Variants in TRMT11 observed in about 807,000 individuals in gnomAD.
The protein encoded by TRMT11 is tRNA (guanine(10)-N(2))-methyltransferase TRMT11.
A neutral mutation model predicts 62.8 loss-of-function variants in TRMT11; 53 were observed. The observed-to-expected ratio is 0.84, with a 90% CI of 0.68 to 1.06. The LOEUF (loss-of-function observed/expected upper bound fraction) is 1.06, where lower values mean the gene tolerates loss of function less well. TRMT11 is among the 50% of genes least tolerant of loss of function. The probability of loss-of-function intolerance (pLI) is 0.00; values close to 1 mark genes in which losing one functional copy is unlikely to be tolerated. For synonymous variants in TRMT11, 188 were observed against 190.3 expected, an observed-to-expected ratio of 0.99 and a Z score of 0.10; for missense variants, 556 against 553.4, an observed-to-expected ratio of 1.00 and a Z score of -0.05.
chr6:126,147,402 C>CAATTCTGGAATT (rs1412018056), intron 21 of TRMT11, among the ~76,000 whole-genome samples: 35 of 148,688 alleles, frequency 2.4e-4, no homozygotes, highest in African/African-American at 8.3e-4. Context: ...TGAAAGTGCA[C>CAATTCTGGAATT]AATTCTGGAA....
chr6:126,051,882 G>T (rs181716725), intron 16 of TRMT11, among the ~76,000 whole-genome samples: 1 of 152,170 alleles, frequency 6.6e-6, no homozygotes, highest in Non-Finnish European at 1.5e-5. Context: ...TATGCAAGAA[G>T]CAGAAGATCC....
intron 5 of TRMT11, 29 bp from the exon 6 acceptor site, chr6:125,998,521 G>T: frequency 1.0e-5 from 16 of 1,598,948 alleles, no homozygotes; most frequent in Non-Finnish European, 1.4e-5. Flanking sequence ...ATTATTATAA[G>T]ACATCAGCAT....
At chr6:126,263,105 G>A in the TRMT11 span, among the ~76,000 whole-genome samples, 2 of 151,466 alleles carry the variant, frequency 1.3e-5, no homozygotes, top group African/African-American at 2.4e-5. Flanking sequence ...TCATTTTATT[G>A]GGGTCTCTAG....
chr6:126,209,321 A>ATT, the TRMT11 span, among the ~76,000 whole-genome samples: 2 of 152,168 alleles, frequency 1.3e-5, no homozygotes, highest in Non-Finnish European at 2.9e-5. Flanking sequence ...CTTTTATTAT[A>ATT]TTTAGAAACT....
At chr6:125,992,782 C>A (rs916455565) in intron 1 of TRMT11, among the ~76,000 whole-genome samples, 3 of 152,210 alleles carry the variant, frequency 2.0e-5, no homozygotes, top group African/African-American at 7.2e-5. Context: ...GCAAAATAAC[C>A]TTTGGGCTGC....
At chr6:126,002,565 T>C (rs1223222379) in intron 7 of TRMT11, among the ~76,000 whole-genome samples, 1 of 152,180 alleles carries the variant, frequency 6.6e-6, no homozygotes, top group African/African-American at 2.4e-5. Context: ...TGCCTGCTTT[T>C]TCCCTTTTCA....
At chr6:126,250,631 A>G in the TRMT11 span, among the ~76,000 whole-genome samples, 11 of 151,980 alleles carry the variant, frequency 7.2e-5, no homozygotes, top group African/African-American at 1.5e-4. Context: ...GGCTCTTCCT[A>G]TCTCCCTCCC....
the TRMT11 span, among the ~76,000 whole-genome samples, chr6:126,261,300 T>C: frequency 6.6e-6 from 1 of 152,228 alleles, no homozygotes; most frequent in African/African-American, 2.4e-5. Flanking sequence ...TCTATCTCTT[T>C]GTTAAAATTC....
the TRMT11 span, among the ~76,000 whole-genome samples, chr6:126,239,146 G>A: frequency 2.0e-5 from 3 of 152,116 alleles, no homozygotes; most frequent in African/African-American, 7.2e-5. Context: ...GCACACTGAT[G>A]GGTCTTGACT....
chr6:126,096,438 A>G (rs182830834), intron 17 of TRMT11, among the ~76,000 whole-genome samples: 32 of 152,286 alleles, frequency 2.1e-4, no homozygotes, highest in African/African-American at 7.2e-4. Context: ...GCTTGTCTCT[A>G]ACTCTCAGCA....
chr6:125,995,906 T>A, intron 2 of TRMT11, 61 bp from the exon 3 acceptor site: 1 of 1,001,654 alleles, frequency 1.0e-6, no homozygotes, highest in Non-Finnish European at 1.6e-6. Flanking sequence ...ACTTCTTGAA[T>A]AAAAGCATAT....
chr6:126,121,486 C>T (rs1777648979), intron 21 of TRMT11, among the ~76,000 whole-genome samples: 1 of 152,094 alleles, frequency 6.6e-6, no homozygotes, highest in African/African-American at 2.4e-5. Context: ...GAAGAACAAC[C>T]TGTGCTTTCG....
At chr6:126,017,036 A>G (rs1795090665) in intron 11 of TRMT11, among the ~76,000 whole-genome samples, 1 of 152,218 alleles carries the variant, frequency 6.6e-6, no homozygotes, top group South Asian at 2.1e-4. Flanking sequence ...TTGAGTCTAA[A>G]GTCATCTGTA....
chr6:126,073,952 AG>A (rs1465097228), intron 17 of TRMT11, among the ~76,000 whole-genome samples: 1 of 152,114 alleles, frequency 6.6e-6, no homozygotes, highest in Non-Finnish European at 1.5e-5. Context: ...AAGGGGGTAA[AG>A]CCCCTTATAA....
At chr6:126,101,548 A>G (rs1371511800) in intron 17 of TRMT11, among the ~76,000 whole-genome samples, 1 of 152,216 alleles carries the variant, frequency 6.6e-6, no homozygotes, top group Non-Finnish European at 1.5e-5. Context: ...GATGGAATTC[A>G]AGCCTTTCCT....
chr6:126,245,185 T>C, the TRMT11 span, among the ~76,000 whole-genome samples: 3 of 152,216 alleles, frequency 2.0e-5, no homozygotes, highest in Non-Finnish European at 4.4e-5. Flanking sequence ...TGAAGACAAA[T>C]TGGGTGGACC....
intron 12 of TRMT11, among the ~76,000 whole-genome samples, chr6:126,025,054 A>C (rs1430908948): frequency 6.6e-6 from 1 of 152,230 alleles, no homozygotes; most frequent in Non-Finnish European, 1.5e-5. Context: ...TGTGGCCTAC[A>C]TAAATAGTAT....
chr6:126,016,990 T>G (rs910001106), intron 11 of TRMT11, among the ~76,000 whole-genome samples: 1 of 152,216 alleles, frequency 6.6e-6, no homozygotes, highest in African/African-American at 2.4e-5. Context: ...TGAAAATTCT[T>G]TACTGTTTTG....
chr6:126,152,120 T>G (rs1027238515), intron 21 of TRMT11, among the ~76,000 whole-genome samples: 1 of 151,092 alleles, frequency 6.6e-6, no homozygotes. Context: ...TCTCCTTTTT[T>G]GGGGATTGGG....
Sources: allele counts gnomAD v4.1 joint callset (sites outside exome capture counted in the v4.1 genomes callset), GRCh38; gene constraint gnomAD v4.1.1; transcripts MANE v1.5; gene names NCBI Gene and HGNC (gene_info 2026-07-23, HGNC 2026-07-21).